UNKL: variants seen among roughly 807,000 people sequenced by gnomAD.
The protein encoded by UNKL is putative E3 ubiquitin-protein ligase UNKL.
Under a neutral mutation model 78.0 loss-of-function variants are expected in UNKL, and 60 were observed. The ratio of observed to expected loss-of-function variants is 0.77; its 90% confidence interval spans 0.63 to 0.95. The LOEUF is 0.95. UNKL is among the 40% of genes least tolerant of loss of function. The probability of loss-of-function intolerance (pLI) is 0.00; values close to 1 mark genes in which losing one functional copy is unlikely to be tolerated. For missense variants in UNKL, 1,159 were observed against 1,045.7 expected (o/e 1.11, Z -1.49); for synonymous variants, 608 against 474.8 (o/e 1.28, Z -3.65).
At chr16:1,398,634 G>A (rs947364117) in intron 5 of UNKL, 3 of 1,436,524 alleles carry the variant, frequency 2.1e-6, no homozygotes, top group Non-Finnish European at 2.7e-6. Flanking sequence ...GGGCCTCAGG[G>A]AGGCCAAGGC....
Position 1,397,182 on chromosome 16 carries a change from G to T in UNKL, c.848C>A (p.Pro283His). ...TGGGGGGTTGGAGGGACGTACCTCG[G>T]GATGGAACTGCTGCTCCGTGCGGGA... Reference protein sequence around the residue: ...CHSRTEQQFHPEIYKSTKCND... With the variant: ...CHSRTEQQFHHEIYKSTKCND... The change falls in exon 6 of 15, where the codon CCC becomes CAC. Residue 283 changes from proline (P) to histidine (H), a missense_variant. By Grantham distance (77) the Pro-to-His change is moderately conservative. Transcript: ENST00000389221. The T allele has an allele frequency of 6.5e-7, 1 of 1,547,488 alleles. No homozygotes were observed.
intron 9 of UNKL, among the ~76,000 whole-genome samples, chr16:1,388,043 G>C (rs1222528607): frequency 6.6e-6 from 1 of 152,144 alleles, no homozygotes; most frequent in African/African-American, 2.4e-5. Flanking sequence ...CAACTCCAGA[G>C]CATCACCCAG....
At chr16:1,407,258 G>C (rs1422658924) in intron 2 of UNKL, 2 of 152,248 alleles carry the variant, frequency 1.3e-5, no homozygotes, top group African/African-American at 2.4e-5. Flanking sequence ...CCTCCCACCA[G>C]TTACTCACAG....
intron 12 of UNKL, chr16:1,369,918 C>T (rs534482383): frequency 2.1e-5 from 33 of 1,538,330 alleles, no homozygotes; most frequent in Admixed American, 5.9e-5. Context: ...GAGGTTGCGG[C>T]GAGCCGAGAT....
chr16:1,384,563 T>TC (rs896298602), intron 10 of UNKL, among the ~76,000 whole-genome samples: 1 of 150,774 alleles, frequency 6.6e-6, no homozygotes, highest in African/African-American at 2.4e-5. Context: ...CCCATCACTG[T>TC]CCCCCACCCT....
intron 2 of UNKL, among the ~76,000 whole-genome samples, chr16:1,408,260 G>GCCCC (rs35934973): frequency 6.0e-5 from 9 of 150,218 alleles, no homozygotes; most frequent in African/African-American, 1.5e-4. Flanking sequence ...CATGGGAGCT[G>GCCCC]CCCCCCCCCC....
chr16:1,401,140 A>G (rs1444309049), intron 4 of UNKL, among the ~76,000 whole-genome samples: 1 of 152,110 alleles, frequency 6.6e-6, no homozygotes, highest in Non-Finnish European at 1.5e-5. Context: ...TGTCTAGAGC[A>G]CCACCCCAGA....
rs939619063 is a variant in UNKL at position 1,399,613 on chromosome 16, C to A, written c.599-104G>T. 23 of 1,506,892 alleles carry A rather than the reference C, an allele frequency of 1.5e-5. No homozygotes were observed. Among genetic ancestry groups the A allele is most frequent in the Non-Finnish European group, 2.0e-5 (22 of 1,124,190 alleles). 93.3% of individuals were successfully genotyped at this position (1,506,892 alleles called of 1,614,324 possible). ...CTGGCTGTCCCCCAAATGGAAGGGG[C>A]TGCAGGAGGACTTGGGGAGCGCAGA... On this transcript the variant is annotated intron_variant, in intron 4 of 14. Transcript: ENST00000389221. The surrounding 1 kb of genome is among the most constrained non-coding windows in gnomAD (Gnocchi z 5.8).
intron 6 of UNKL, among the ~76,000 whole-genome samples, chr16:1,394,891 T>G (rs1021979653): frequency 1.3e-5 from 2 of 152,210 alleles, no homozygotes; most frequent in African/African-American, 2.4e-5. Flanking sequence ...TTTTGTTTGT[T>G]TTTTGAGAGA....
rs1596630292 is a variant in UNKL at position 1,366,332 on chromosome 16, G to A, written c.2110C>T (p.Leu704=). The part of the protein sequence containing the change: ...ACRERAHGAV[L]RPCQHHILCE... The stretch of plus-strand genomic sequence containing the variant: ...AGGATGTGGTGCTGACAGGGCCGCA[G>A]GACAGCACCGTGGGCCCGCTCCCGG... The change falls in exon 15 of 15, where the codon CTG becomes TTG. Residue 704 remains leucine, a synonymous_variant. Coordinates refer to ENST00000389221, the MANE Select transcript of UNKL (RefSeq NM_001372107.1). 1 of 1,604,208 alleles carries A rather than the reference G, an allele frequency of 6.2e-7. No individual in the cohort carries two copies. The highest frequency in any genetic ancestry group is 8.5e-7 in the Non-Finnish European group (1 of 1,176,496).
intron 2 of UNKL, among the ~76,000 whole-genome samples, chr16:1,405,427 T>C (rs2037709045): frequency 2.0e-5 from 3 of 151,074 alleles, no homozygotes; most frequent in Admixed American, 2.0e-4. Context: ...AAATACAAAA[T>C]TTAGCCGGGC....
rs113695791 is a variant in UNKL at position 1,367,713 on chromosome 16, C to T, written c.1731G>A (p.Leu577=). The change falls in exon 13 of 15, where the codon CTG becomes CTA. Residue 577 remains leucine, a synonymous_variant. Coordinates refer to ENST00000389221, the MANE Select transcript of UNKL (RefSeq NM_001372107.1). ...GCCGGATCTTCCTCTTGGCCTCGTC[C>T]AGCTGCCGCCTGACCCGGGCCAGCT... The part of the protein sequence containing the change: ...GAELARVRRQ[L]DEAKRKIRQW... 2.2e-5 allele frequency: 35 copies of T among 1,581,316 alleles called. No homozygotes were observed. Among genetic ancestry groups the T allele is most frequent in the Non-Finnish European group, 3.0e-5 (35 of 1,164,594 alleles).
intron 7 of UNKL, 94 bp from the exon 8 acceptor site, chr16:1,393,070 C>T (rs1201122473): frequency 3.6e-5 from 47 of 1,297,010 alleles, no homozygotes; most frequent in Non-Finnish European, 4.6e-5. Context: ...GCCGAGTGTG[C>T]GCAGCCTCGT....
In UNKL at chr16:1,387,325, G is replaced by T. The variant is rs2036856411; in HGVS notation, c.1087-1940C>A. Among the ~76,000 whole-genome samples, 1 of 152,342 alleles carries T rather than the reference G, an allele frequency of 6.6e-6. No homozygotes were observed. Among genetic ancestry groups the T allele is most frequent in the East Asian group, 1.9e-4 (1 of 5,192 alleles). On this transcript the variant is annotated intron_variant, in intron 9 of 14. Coordinates refer to ENST00000389221, the MANE Select transcript of UNKL (RefSeq NM_001372107.1). This position sits in a 1 kb window ranked among gnomAD's most constrained non-coding sequence, Gnocchi z 4.1. ...CTGGAAGCCTCATGTTCTCCAGCAA[G>T]CAGCCCAGAAACACTATGGGTGATT...
chr16:1,410,896 G>C (rs1020624395), intron 2 of UNKL, among the ~76,000 whole-genome samples: 5 of 152,126 alleles, frequency 3.3e-5, no homozygotes, highest in Admixed American at 6.6e-5. Context: ...TAACCAAAAT[G>C]GGCTGACTAC....
chr16:1,367,307 G>A lies in UNKL; in HGVS notation c.1831C>T (p.Arg611Cys), dbSNP rs777274445. ...WQREAQEAKE[R>C]ARVADSDRQL... ...CGGTCGCTATCGGCCACACGGGCACGCTCCTTGGCCTCCTGCGCCTCTCGC... is the reference window on the plus strand; with the variant it reads ...CGGTCGCTATCGGCCACACGGGCACACTCCTTGGCCTCCTGCGCCTCTCGC... Residue 611 changes from arginine to cysteine, a missense_variant, in exon 14 of 15, where the codon CGT becomes TGT. Transcript: ENST00000389221. 3.0e-5 allele frequency: 47 copies of A among 1,553,932 alleles called. No homozygotes were observed. The highest frequency in any genetic ancestry group is 9.6e-5 in the African/African-American group (7 of 73,282).
chr16:1,384,481 G>T (rs2142086560), intron 10 of UNKL, among the ~76,000 whole-genome samples: 1 of 152,104 alleles, frequency 6.6e-6, no homozygotes, highest in Admixed American at 6.5e-5. Flanking sequence ...TCCAACTAAA[G>T]GCCTCCCAAA....
chr16:1,387,482 C>G lies in UNKL; in HGVS notation c.1087-2097G>C, dbSNP rs2036861299. ...GACAGACGTTCTGGTGACCAGACAT[C>G]CAGGAGCAACGCACACCTGGGAGCT... On this transcript the variant is annotated intron_variant, in intron 9 of 14. Transcript: ENST00000389221. The surrounding 1 kb of genome is among the most constrained non-coding windows in gnomAD (Gnocchi z 4.1). Among the ~76,000 whole-genome samples, 1 of 152,216 alleles carries G rather than the reference C, an allele frequency of 6.6e-6. No homozygotes were observed.
chr16:1,395,446 G>A (rs951054286), intron 6 of UNKL, among the ~76,000 whole-genome samples: 1 of 152,168 alleles, frequency 6.6e-6, no homozygotes, highest in Non-Finnish European at 1.5e-5. Flanking sequence ...GATTACAGGC[G>A]TGAGCCACTG....
Sources: allele counts gnomAD v4.1 joint callset (sites outside exome capture counted in the v4.1 genomes callset), GRCh38; gene constraint gnomAD v4.1.1; non-coding constraint Gnocchi (gnomAD v3.1); transcripts MANE v1.5; gene names NCBI Gene and HGNC (gene_info 2026-07-23, HGNC 2026-07-21).